Variants in POLR3D observed in about 807,000 individuals in gnomAD.
POLR3D encodes RNA polymerase III subunit D.
A neutral mutation model predicts 44.5 loss-of-function variants in POLR3D; 42 were observed. The observed-to-expected ratio is 0.94, with a 90% CI of 0.74 to 1.22. The LOEUF is 1.22. POLR3D is among the 50% of genes most tolerant of loss of function. The pLI is 0.00. For missense variants in POLR3D, 507 were observed against 505.2 expected, an observed-to-expected ratio of 1.00 and a Z score of -0.03; for synonymous variants, 217 against 198.1, an observed-to-expected ratio of 1.10 and a Z score of -0.80.
In POLR3D at chr8:22,250,658, C is replaced by T. The variant is rs1348418913; in HGVS notation, c.*140C>T. The T allele has an allele frequency of 1.0e-5, 10 of 989,668 alleles. No individual in the cohort carries two copies. Among genetic ancestry groups the T allele is most frequent in the Non-Finnish European group, 1.5e-5 (10 of 650,990 alleles). 61.3% of individuals were successfully genotyped at this position (989,668 alleles called of 1,614,324 possible). ...CTTTGGCAACCATTGTTCCAGGTCCCCCAGGGCTTCCTCCCACAGCAGCTG... is the reference window on the plus strand; with the variant it reads ...CTTTGGCAACCATTGTTCCAGGTCCTCCAGGGCTTCCTCCCACAGCAGCTG... On this transcript the variant is annotated 3_prime_UTR_variant, in exon 9 of 9. Coordinates refer to ENST00000306433, the MANE Select transcript of POLR3D (RefSeq NM_001722.3).
rs1008930413 is a variant in POLR3D at position 22,252,836 on chromosome 8, C to T, written c.*2318C>T. ...AACTACATGTTTAAGTGGCAGAGTC[C>T]AGGCTGTCGAGTCACGGTTGGGTTT... On this transcript the variant is annotated 3_prime_UTR_variant, in exon 9 of 9. Transcript: ENST00000306433. The T allele has an allele frequency of 6.6e-6, 1 of 152,198 alleles. No homozygotes were observed. The highest frequency in any genetic ancestry group is 2.4e-5 in the African/African-American group (1 of 41,434). 9.4% of individuals were successfully genotyped at this position (152,198 alleles called of 1,614,324 possible).
In POLR3D at chr8:22,250,778, T is replaced by C; in HGVS notation, c.*260T>C. On this transcript the variant is annotated 3_prime_UTR_variant, in exon 9 of 9. Coordinates refer to ENST00000306433, the MANE Select transcript of POLR3D (RefSeq NM_001722.3). ...ATTTATTTTTGTATTTATGTCTTAA[T>C]CTCTTCCACTGATGCATCCTCCAAG... 1 of 463,642 alleles carries C rather than the reference T, an allele frequency of 2.2e-6. No individual in the cohort carries two copies. Among genetic ancestry groups the C allele is most frequent in the Non-Finnish European group, 4.0e-6 (1 of 250,978 alleles). The allele number at this position is 463,642 out of a possible 1,614,324, so 28.7% of individuals were successfully genotyped here.
chr8:22,249,314 G>A lies in POLR3D; in HGVS notation c.921+5G>A, dbSNP rs544016665. On this transcript the variant is annotated splice_donor_5th_base_variant and intron_variant, in intron 7 of 8. Coordinates refer to ENST00000306433, the MANE Select transcript of POLR3D (RefSeq NM_001722.3). Reference sequence around the variant, plus strand: ...ATCAAGCAGGAGAAAGACCGAGTACGCTCAGACAGAGGCCTGCGGGAATCA... The same window carrying A: ...ATCAAGCAGGAGAAAGACCGAGTACACTCAGACAGAGGCCTGCGGGAATCA... 35 of 1,612,332 alleles carry A rather than the reference G, an allele frequency of 2.2e-5. No homozygotes were observed. In the East Asian group the frequency reaches 4.7e-4, roughly 22 times the overall value.
Position 22,245,570 on chromosome 8 carries a change from C to G in POLR3D, c.121C>G (p.Pro41Ala). 1.6e-6 allele frequency: 2 copies of G among 1,261,520 alleles called. No individual in the cohort carries two copies. The highest frequency in any genetic ancestry group is 2.0e-6 in the Non-Finnish European group (2 of 995,058). The allele number at this position is 1,261,520 out of a possible 1,614,324, so 78.1% of individuals were successfully genotyped here. Residue 41 changes from proline to alanine, a missense_variant, in exon 2 of 9, where the codon CCC (proline) becomes GCC (alanine). Pro to Ala is a conservative substitution (Grantham distance 27, BLOSUM62 -1). Coordinates refer to ENST00000306433, the MANE Select transcript of POLR3D (RefSeq NM_001722.3). ...PAPPLTPGRL[P>A]SIRSRDLTLG... ...GCCTCCCCTCACCCCCGGCCGCCTT[C>G]CCTCCATCCGTTCCAGGGACCTCAC...
rs369572560 is a variant in POLR3D at position 22,249,210 on chromosome 8, C to A, written c.822C>A (p.Thr274=). The A allele has an allele frequency of 8.1e-6, 13 of 1,613,892 alleles. No homozygotes were observed. The highest frequency in any genetic ancestry group is 2.2e-5 in the East Asian group (1 of 44,876). The change falls in exon 7 of 9, where the codon ACC becomes ACA. Residue 274 remains threonine (T), a synonymous_variant. Coordinates refer to ENST00000306433, the MANE Select transcript of POLR3D (RefSeq NM_001722.3). The part of the protein sequence containing the change: ...EELLFLQLPD[T]LPGQPPTQDI... ...TGCTGTTTCTGCAGCTGCCAGACAC[C>A]CTCCCTGGCCAGCCACCCACCCAGG...
chr8:22,248,679 A>G (rs369793300), intron 6 of POLR3D, 30 bp downstream of exon 6: 15 of 1,592,792 alleles, frequency 9.4e-6, no homozygotes, highest in Admixed American at 1.7e-5. Flanking sequence ...CTCATCTCCA[A>G]TTCCATGGCT....
intron 6 of POLR3D, 53 bp from the exon 7 acceptor site, chr8:22,248,991 G>A: frequency 1.3e-6 from 2 of 1,592,792 alleles, no homozygotes; most frequent in Admixed American, 3.4e-5. Flanking sequence ...GTAACAGTGA[G>A]CTGGTATGGA....
At position 22,250,105 on chromosome 8, in the gene POLR3D, C is replaced by G. The variant is rs911651186; in HGVS notation, c.952C>G (p.Leu318Val). ...CAAATTGGCAGAGAATGCTTGTACC[C>G]TGGCTGACCTGACAGAGGGTCAGGT... ...EAKLAENACT[L>V]ADLTEGQVGK... Residue 318 changes from leucine (L) to valine (V), a missense_variant, in exon 8 of 9, where the codon CTG (leucine) becomes GTG (valine). Leu to Val is a conservative substitution (Grantham distance 32). Coordinates refer to ENST00000306433, the MANE Select transcript of POLR3D (RefSeq NM_001722.3). 2 of 1,614,178 alleles carry G rather than the reference C, an allele frequency of 1.2e-6. No homozygotes were observed. Among genetic ancestry groups the G allele is most frequent in the Non-Finnish European group, 1.7e-6 (2 of 1,180,034 alleles).
chr8:22,248,632 A>T lies in POLR3D; in HGVS notation c.638A>T (p.Asp213Val). Residue 213 changes from aspartate (D) to valine (V), a missense_variant, in exon 6 of 9, where the codon GAC (aspartate) becomes GTC (valine). Coordinates refer to ENST00000306433, the MANE Select transcript of POLR3D (RefSeq NM_001722.3). Reference protein sequence around the residue: ...AGPKEEDMEVDIPAVKVKEEP... With the variant: ...AGPKEEDMEVVIPAVKVKEEP... ...CCCAAGGAAGAGGACATGGAGGTGG[A>T]CATACCTGCTGTGAAAGGTACTCTG... 1.9e-6 allele frequency: 3 copies of T among 1,613,566 alleles called. No individual in the cohort carries two copies. Among genetic ancestry groups the T allele is most frequent in the Non-Finnish European group, 2.5e-6 (3 of 1,179,876 alleles).
rs1830121034 is a variant in POLR3D, at chr8:22,253,380, ACCAGGC to A, written c.*2865_*2870del. On this transcript the variant is annotated 3_prime_UTR_variant, in exon 9 of 9. Coordinates refer to ENST00000306433, the MANE Select transcript of POLR3D (RefSeq NM_001722.3). The stretch of plus-strand genomic sequence containing the variant: ...AGTGGGGCCACGTGCCCACTCTTGG[ACCAGGC>A]CCTGGCAAAGGGGGATGGGTCGACT... The A allele has an allele frequency of 6.6e-6, 1 of 152,102 alleles. No individual in the cohort carries two copies. Among genetic ancestry groups the A allele is most frequent in the Non-Finnish European group, 1.5e-5 (1 of 68,012 alleles). The allele number at this position is 152,102 out of a possible 1,614,324, so 9.4% of individuals were successfully genotyped here. A position where few individuals can be genotyped will look rare whatever the true frequency, so the allele number is the denominator to read the frequency against.
rs187674860 is a variant in POLR3D, at chr8:22,251,774, G to C, written c.*1256G>C. 7.9e-4 allele frequency: 121 copies of C among 152,424 alleles called. 1 individual carries two copies. The highest frequency in any genetic ancestry group is 2.8e-3 in the African/African-American group (118 of 41,574). The allele number at this position is 152,424 out of a possible 1,614,324, so 9.4% of individuals were successfully genotyped here. Reference sequence around the variant, plus strand: ...TCCTCTTGTCTTGACAGTAGGGCTGGGGTTTTCCCTGGTTCAGCTGGGGAG... The same window carrying C: ...TCCTCTTGTCTTGACAGTAGGGCTGCGGTTTTCCCTGGTTCAGCTGGGGAG... On this transcript the variant is annotated 3_prime_UTR_variant, in exon 9 of 9. Coordinates refer to ENST00000306433, the MANE Select transcript of POLR3D (RefSeq NM_001722.3).
rs1830117761 is a variant in POLR3D, at chr8:22,252,955, G to C, written c.*2437G>C. 6.6e-6 allele frequency: 1 copy of C among 152,170 alleles called. No homozygotes were observed. Among genetic ancestry groups the C allele is most frequent in the Non-Finnish European group, 1.5e-5 (1 of 68,034 alleles). 9.4% of individuals were successfully genotyped at this position (152,170 alleles called of 1,614,324 possible). A position where few individuals can be genotyped will look rare whatever the true frequency, so the allele number is the denominator to read the frequency against. On this transcript the variant is annotated 3_prime_UTR_variant, in exon 9 of 9. Coordinates refer to ENST00000306433, the MANE Select transcript of POLR3D (RefSeq NM_001722.3). ...TTTTATTTTATGTAAGAGTGAGACA[G>C]TAGTAGCTTAATAGGGTTGCTTTTA...
Position 22,249,057 on chromosome 8 carries a change from AC to A in POLR3D, c.670del (p.Arg224GlufsTer9). Reference sequence around the variant, plus strand: ...TCACCCGGGCAGTGAAAGAGGAGCCACGAGATGAGGAGGAAGAGGCCAAGAT... The same window carrying A: ...TCACCCGGGCAGTGAAAGAGGAGCCAGAGATGAGGAGGAAGAGGCCAAGAT... ...IPAVKVKEEP[R>X]DEEEEAKMKA... On this transcript the variant is annotated frameshift_variant, in exon 7 of 9. Coordinates refer to ENST00000306433, the MANE Select transcript of POLR3D (RefSeq NM_001722.3). LOFTEE classifies it high-confidence loss of function. The A allele has an allele frequency of 6.2e-7, 1 of 1,613,888 alleles. No individual in the cohort carries two copies. Among genetic ancestry groups the A allele is most frequent in the Non-Finnish European group, 8.5e-7 (1 of 1,179,948 alleles).
At position 22,250,082 on chromosome 8, in the gene POLR3D, A is replaced by G. The variant is rs750938304; in HGVS notation, c.929A>G (p.Lys310Arg). The G allele has an allele frequency of 8.7e-6, 14 of 1,614,042 alleles. No individual in the cohort carries two copies. Among genetic ancestry groups the G allele is most frequent in the Admixed American group, 1.7e-5 (1 of 60,002 alleles). The change falls in exon 8 of 9, where the codon AAA becomes AGA. Residue 310 changes from lysine to arginine, a missense_variant. Lys to Arg is a conservative substitution (Grantham distance 26, BLOSUM62 2). Transcript: ENST00000306433. ...CTCTGGTTTTCTCCGCAGGAAGCCA[A>G]ATTGGCAGAGAATGCTTGTACCCTG... ...LIKQEKDREA[K>R]LAENACTLAD...
intron 2 of POLR3D, 93 bp from the exon 3 acceptor site, chr8:22,247,128 G>A (rs915787195): frequency 2.3e-6 from 2 of 878,632 alleles, no homozygotes; most frequent in Non-Finnish European, 3.8e-6. Flanking sequence ...GGTGGCCTTG[G>A]TCTGTAGAAG....
Position 22,247,239 on chromosome 8 carries a change from A to G in POLR3D, c.184A>G (p.Ile62Val). The change falls in exon 3 of 9, where the codon ATC (isoleucine) becomes GTC (valine). Residue 62 changes from isoleucine (I) to valine (V), a missense_variant. Transcript: ENST00000306433. ...GVKKKTFTPN[I>V]ISRKIKEEPK... is the part of the protein sequence containing the mutation. Reference sequence around the variant, plus strand: ...CTTTCAGAAAACCTTCACCCCAAATATCATCAGTCGGAAGATCAAGGAAGA... The same window carrying G: ...CTTTCAGAAAACCTTCACCCCAAATGTCATCAGTCGGAAGATCAAGGAAGA... 1 of 1,613,580 alleles carries G rather than the reference A, an allele frequency of 6.2e-7. No individual in the cohort carries two copies.
rs1400195057 is a variant in POLR3D, at chr8:22,250,115, T to G, written c.962T>G (p.Leu321Arg). Reference sequence around the variant, plus strand: ...GAGAATGCTTGTACCCTGGCTGACCTGACAGAGGGTCAGGTTGGCAAGCTA... The same window carrying G: ...GAGAATGCTTGTACCCTGGCTGACCGGACAGAGGGTCAGGTTGGCAAGCTA... ...LAENACTLAD[L>R]TEGQVGKLLI... Residue 321 changes from leucine (L) to arginine (R), a missense_variant, in exon 8 of 9, where the codon CTG becomes CGG. By Grantham distance (102) the Leu-to-Arg change is moderately radical (BLOSUM62 -2). Coordinates refer to ENST00000306433, the MANE Select transcript of POLR3D (RefSeq NM_001722.3). 2 of 1,614,028 alleles carry G rather than the reference T, an allele frequency of 1.2e-6. No homozygotes were observed. The highest frequency in any genetic ancestry group is 1.7e-5 in the Admixed American group (1 of 60,002).
rs893934539 is a variant in POLR3D at position 22,247,223 on chromosome 8, A to T, written c.168A>T (p.Lys56Asn). The T allele has an allele frequency of 6.2e-7, 1 of 1,612,890 alleles. No individual in the cohort carries two copies. The highest frequency in any genetic ancestry group is 8.5e-7 in the Non-Finnish European group (1 of 1,179,060). ...RDLTLGGVKK[K>N]TFTPNIISRK... Reference sequence around the variant, plus strand: ...TGACTCCTGTATTTTGCTTTCAGAAAACCTTCACCCCAAATATCATCAGTC... The same window carrying T: ...TGACTCCTGTATTTTGCTTTCAGAATACCTTCACCCCAAATATCATCAGTC... Residue 56 changes from lysine (K) to asparagine (N), a missense_variant and splice_region_variant, in exon 3 of 9, where the codon AAA (lysine) becomes AAT (asparagine). Coordinates refer to ENST00000306433, the MANE Select transcript of POLR3D (RefSeq NM_001722.3).
In POLR3D at chr8:22,245,435, T is replaced by A. The variant is rs750783729; in HGVS notation, c.-5-10T>A. 7.6e-7 allele frequency: 1 copy of A among 1,309,262 alleles called. No homozygotes were observed. The highest frequency in any genetic ancestry group is 9.8e-7 in the Non-Finnish European group (1 of 1,021,524). The allele number at this position is 1,309,262 out of a possible 1,614,324, so 81.1% of individuals were successfully genotyped here. On this transcript the variant is annotated splice_polypyrimidine_tract_variant and intron_variant, in intron 1 of 8. Transcript: ENST00000306433. ...CCCCTCTGGTGATCTCGTCGCCCCT[T>A]CTCTCCCAGGCAACATGTCGGAAGG...
Sources: allele counts gnomAD v4.1 joint callset, GRCh38; gene constraint gnomAD v4.1.1; transcripts MANE v1.5; gene names NCBI Gene and HGNC (gene_info 2026-07-23, HGNC 2026-07-21).